Variants in CNTNAP2 observed in about 807,000 individuals in gnomAD.
The protein encoded by CNTNAP2 is contactin associated protein 2.
Under a neutral mutation model 155.2 loss-of-function variants are expected in CNTNAP2, and 98 were observed. The ratio of observed to expected loss-of-function variants is 0.63; its 90% CI spans 0.54 to 0.75. The LOEUF is 0.75. Among genes scored for constraint, CNTNAP2 ranks in the 30% least tolerant of loss-of-function variants. CNTNAP2 has a pLI of 0.00. For synonymous variants in CNTNAP2, 651 were observed against 631.2 expected (o/e 1.03, Z -0.47); for missense variants, 1,727 against 1,688.1 (o/e 1.02, Z -0.40).
intron 20 of CNTNAP2, among the ~76,000 whole-genome samples, chr7:148,265,600 T>C (rs1222515616): frequency 6.6e-6 from 1 of 152,144 alleles, no homozygotes; most frequent in East Asian, 1.9e-4. Flanking sequence ...GCATTTGACG[T>C]TATAGAAAAC....
chr7:146,981,081 T>G lies in CNTNAP2; in HGVS notation c.403-62826T>G, dbSNP rs111482724. Reference sequence around the variant, plus strand: ...AAGCAGCTATTTCTTGGATATAGATTTATATTATGGAAGGAGAAGCAGAAA... The same window carrying G: ...AAGCAGCTATTTCTTGGATATAGATGTATATTATGGAAGGAGAAGCAGAAA... On this transcript the variant is annotated intron_variant, in intron 3 of 23. Transcript: ENST00000361727. 2.7e-3 allele frequency among the ~76,000 whole-genome samples: 404 copies of G among 152,274 alleles called. 2 individuals carry two copies. Among genetic ancestry groups the G allele is most frequent in the African/African-American group, 9.0e-3 (376 of 41,558 alleles).
chr7:148,035,910 T>C (rs1421343109), intron 15 of CNTNAP2, among the ~76,000 whole-genome samples: 1 of 152,198 alleles, frequency 6.6e-6, no homozygotes, highest in Non-Finnish European at 1.5e-5. Flanking sequence ...GCACAAGAAG[T>C]CAAACTTTAT....
chr7:148,160,576 C>T (rs916579810), intron 17 of CNTNAP2, among the ~76,000 whole-genome samples: 1 of 151,914 alleles, frequency 6.6e-6, no homozygotes, highest in Admixed American at 6.6e-5. Flanking sequence ...TTTAAAAATC[C>T]ATTTGGACCA....
intron 8 of CNTNAP2, among the ~76,000 whole-genome samples, chr7:147,266,224 C>T (rs1167657787): frequency 6.6e-6 from 1 of 152,124 alleles, no homozygotes; most frequent in Admixed American, 6.5e-5. Flanking sequence ...TACCAAAAAG[C>T]TAAGGACCAC....
At position 146,622,018 on chromosome 7, in the gene CNTNAP2, G is replaced by C. The variant is rs949428025; in HGVS notation, c.98-152253G>C. ...CAAATAATTTCAGCTCTGGCCACTG[G>C]AAACTCTTTCAGTTGCCCTGTGTCC... On this transcript the variant is annotated intron_variant, in intron 1 of 23. Coordinates refer to ENST00000361727, the MANE Select transcript of CNTNAP2 (RefSeq NM_014141.6). 4.6e-5 allele frequency among the ~76,000 whole-genome samples: 7 copies of C among 151,952 alleles called. No homozygotes were observed. In the South Asian group the frequency reaches 1.2e-3, roughly 27 times the overall value.
chr7:147,132,207 TC>T (rs1563087926), intron 7 of CNTNAP2, 37 bp from the exon 8 acceptor site: 1 of 1,612,370 alleles, frequency 6.2e-7, no homozygotes, highest in Non-Finnish European at 8.5e-7. Flanking sequence ...TTCATTTTAT[TC>T]TGTGTTTTCC....
intron 1 of CNTNAP2, among the ~76,000 whole-genome samples, chr7:146,217,170 C>T (rs1214531840): frequency 6.6e-6 from 1 of 152,164 alleles, no homozygotes; most frequent in African/African-American, 2.4e-5. Context: ...TAAACTCTTA[C>T]ACACTGCTAT....
chr7:147,988,443 T>G (rs979390944), intron 15 of CNTNAP2, among the ~76,000 whole-genome samples: 1 of 152,184 alleles, frequency 6.6e-6, no homozygotes, highest in African/African-American at 2.4e-5. Flanking sequence ...GGTAAAATAT[T>G]TTGATTTTCT....
At chr7:147,619,118 A>T (rs1267572700) in intron 12 of CNTNAP2, among the ~76,000 whole-genome samples, 1 of 152,242 alleles carries the variant, frequency 6.6e-6, no homozygotes, top group Non-Finnish European at 1.5e-5. Flanking sequence ...GATGAGACAG[A>T]TACTAAATTC....
intron 1 of CNTNAP2, among the ~76,000 whole-genome samples, chr7:146,592,336 G>A (rs995849767): frequency 2.0e-5 from 3 of 152,356 alleles, no homozygotes; most frequent in Middle Eastern, 3.4e-3. Context: ...AGTGGTGGAA[G>A]TGTCCCCTTT....
intron 21 of CNTNAP2, among the ~76,000 whole-genome samples, chr7:148,293,359 G>T (rs17525732): frequency 0.17 from 25,899 of 152,110 alleles, 2,365 homozygotes; most frequent in Middle Eastern, 0.25. Context: ...TCTGGTATAT[G>T]GATATGTCTC....
Position 146,567,258 on chromosome 7 carries a change from G to C in CNTNAP2, c.98-207013G>C, listed in dbSNP as rs561948009. 9.2e-5 allele frequency among the ~76,000 whole-genome samples: 14 copies of C among 152,122 alleles called. No homozygotes were observed. The South Asian group carries it at 2.9e-3, about 32-fold the overall frequency. On this transcript the variant is annotated intron_variant, in intron 1 of 23. Coordinates refer to ENST00000361727, the MANE Select transcript of CNTNAP2 (RefSeq NM_014141.6). ...CATACTGCATTCTTTATCAACAAAA[G>C]TTATTTTTAAAATGTCACATAATAA...
intron 13 of CNTNAP2, among the ~76,000 whole-genome samples, chr7:147,675,073 G>T (rs1225168046): frequency 6.6e-6 from 1 of 151,920 alleles, no homozygotes; most frequent in Non-Finnish European, 1.5e-5. Flanking sequence ...TGATATCAAG[G>T]TATTCATAAG....
chr7:147,535,901 T>TA (rs143378800), intron 11 of CNTNAP2, among the ~76,000 whole-genome samples: 30,396 of 152,212 alleles, frequency 0.2, 3,262 homozygotes, highest in Admixed American at 0.29. Context: ...AGGGATTTAC[T>TA]AAATTCCTTT....
intron 3 of CNTNAP2, among the ~76,000 whole-genome samples, chr7:147,009,428 T>C (rs1798584926): frequency 6.6e-6 from 1 of 152,180 alleles, no homozygotes. Context: ...ACCGACAGTT[T>C]TCATCCAGAC....
intron 3 of CNTNAP2, among the ~76,000 whole-genome samples, chr7:146,862,298 A>G (rs551266408): frequency 7.6e-4 from 116 of 152,190 alleles, no homozygotes; most frequent in Non-Finnish European, 1.4e-3. Context: ...ATTTTGTAAC[A>G]TAAAAAGAGC....
At chr7:146,712,371 A>C (rs538663203) in intron 1 of CNTNAP2, among the ~76,000 whole-genome samples, 1 of 142,802 alleles carries the variant, frequency 7.0e-6, no homozygotes, top group Non-Finnish European at 1.5e-5. Flanking sequence ...TATAGTATAC[A>C]TATCTTATGT....
chr7:147,869,450 T>C (rs1028916850), intron 13 of CNTNAP2, among the ~76,000 whole-genome samples: 1 of 152,176 alleles, frequency 6.6e-6, no homozygotes, highest in Non-Finnish European at 1.5e-5. Flanking sequence ...GAATGAGAAT[T>C]TCAAAGTACA....
At chr7:147,761,077 G>A (rs1797292253) in intron 13 of CNTNAP2, among the ~76,000 whole-genome samples, 1 of 152,138 alleles carries the variant, frequency 6.6e-6, no homozygotes, top group African/African-American at 2.4e-5. Context: ...CCCAAAGAAT[G>A]AAATTAATCA....
Sources: gnomAD v4.1 joint callset for allele counts (sites outside exome capture counted in the v4.1 genomes callset) on GRCh38, gnomAD v4.1.1 for gene constraint, MANE v1.5 for transcripts, NCBI Gene and HGNC (gene_info 2026-07-23, HGNC 2026-07-21) for gene names.